The following MRPL27 variants were observed in gnomAD, a reference collection of about 807,000 sequenced individuals.
MRPL27 encodes large ribosomal subunit protein bL27m.
In MRPL27, 4 loss-of-function variants were observed where a neutral mutation model predicts 14.6. The ratio of observed to expected loss-of-function variants is 0.27; its 90% CI spans 0.14 to 0.63. The LOEUF (loss-of-function observed/expected upper bound fraction) is 0.63, where lower values mean the gene tolerates loss of function less well. MRPL27 is among the 20% of genes least tolerant of loss of function. MRPL27 has a pLI of 0.85. For missense variants in MRPL27, 196 were observed against 192.8 expected, an observed-to-expected ratio of 1.02 and a Z score of -0.10; for synonymous variants, 82 against 75.5, an observed-to-expected ratio of 1.09 and a Z score of -0.45.
intron 3 of MRPL27, chr17:50,369,081 T>C: frequency 1.8e-6 from 1 of 557,678 alleles, no homozygotes; most frequent in Non-Finnish European, 3.2e-6. Flanking sequence ...TACTTACTCC[T>C]GTGTGGTCTT....
rs143787190 is a variant in MRPL27 at position 50,370,478 on chromosome 17, C to T, written c.149G>A (p.Arg50His). 5 of 1,614,150 alleles carry T rather than the reference C, an allele frequency of 3.1e-6. No homozygotes were observed. The highest frequency in any genetic ancestry group is 1.7e-5 in the Admixed American group (1 of 60,022). Residue 50 changes from arginine to histidine, a missense_variant, in exon 2 of 4, where the codon CGC (arginine) becomes CAC (histidine). Coordinates refer to ENST00000225969, the MANE Select transcript of MRPL27 (RefSeq NM_016504.3). ...ACCTTCCATTTTCTTAATGCCTTGG[C>T]GTCTGCCTGATGACTTTCCACCGAG... ...KNLGGKSSGR[R>H]QGIKKMEGHY...
In MRPL27 at chr17:50,368,144, T is replaced by A. The variant is rs753446684; in HGVS notation, c.395A>T (p.His132Leu). 1 of 1,614,092 alleles carries A rather than the reference T, an allele frequency of 6.2e-7. No individual in the cohort carries two copies. The highest frequency in any genetic ancestry group is 8.5e-7 in the Non-Finnish European group (1 of 1,180,026). The change falls in exon 4 of 4, where the codon CAC becomes CTC. Residue 132 changes from histidine to leucine, a missense_variant. Transcript: ENST00000225969. ...GCCCTCAGGCTTGGCAGGAACCACG[T>A]GGACAAAAGTCTTGTAGAGCACAGC... is the stretch of plus-strand genomic sequence containing the variant. ...KGAVLYKTFV[H>L]VVPAKPEGTF...
At chr17:50,372,239 G>T (rs1383201312) in intron 1 of MRPL27, among the ~76,000 whole-genome samples, 1 of 143,584 alleles carries the variant, frequency 7.0e-6, no homozygotes, top group Non-Finnish European at 1.5e-5. Flanking sequence ...TAGGTCTCCT[G>T]TCATTCTTTT....
chr17:50,372,954 C>G, intron 1 of MRPL27, 177 bp downstream of exon 1: 1 of 827,802 alleles, frequency 1.2e-6, no homozygotes, highest in Middle Eastern at 3.1e-4. Context: ...TCACTCACGG[C>G]TCCACCCAGG....
At chr17:50,371,623 C>T (rs1379393191) in intron 1 of MRPL27, among the ~76,000 whole-genome samples, 24 of 152,178 alleles carry the variant, frequency 1.6e-4, no homozygotes, top group Admixed American at 1.6e-3. Flanking sequence ...TTTAGAGAAG[C>T]CTTGTGGGTC....
In MRPL27 at chr17:50,373,177, G is replaced by A. The variant is rs1002130400; in HGVS notation, c.-7C>T. 18 of 1,609,360 alleles carry A rather than the reference G, an allele frequency of 1.1e-5. No individual in the cohort carries two copies. In the Admixed American group the frequency reaches 2.5e-4, roughly 22 times the overall value. On this transcript the variant is annotated 5_prime_UTR_variant, in exon 1 of 4. Coordinates refer to ENST00000225969, the MANE Select transcript of MRPL27 (RefSeq NM_016504.3). The stretch of plus-strand genomic sequence containing the variant: ...CCAACACCACCGACGCCATGCTTTC[G>A]ATCACTCACTTCCGGTCTCGAAAAG...
chr17:50,371,063 G>C (rs766012021), intron 1 of MRPL27: 32 of 155,606 alleles, frequency 2.1e-4, no homozygotes, highest in Non-Finnish European at 4.1e-4. Flanking sequence ...CATAGTCCTG[G>C]CTCCCTGCAA....
intron 1 of MRPL27, chr17:50,370,837 C>T (rs1159553076): frequency 2.3e-6 from 1 of 427,122 alleles, no homozygotes; most frequent in Non-Finnish European, 4.4e-6. Flanking sequence ...TGGGTTCTGA[C>T]ACATTCAGTC....
rs144070750 is a variant in MRPL27 at position 50,373,163 on chromosome 17, G to T, written c.8C>A (p.Ser3Ter). 5.0e-6 allele frequency: 8 copies of T among 1,611,598 alleles called. No individual in the cohort carries two copies. Among genetic ancestry groups the T allele is most frequent in the East Asian group, 4.5e-5 (2 of 44,900 alleles). Residue 3 changes from serine (S) to a stop codon, truncating the protein, a stop_gained, in exon 1 of 4, where the codon TCG becomes TAG. Coordinates refer to ENST00000225969, the MANE Select transcript of MRPL27 (RefSeq NM_016504.3). LOFTEE classifies it high-confidence loss of function. The part of the protein sequence containing the change: MA[S>*]VVLALRTRTA... ...CCGGGTCCTCAGCGCCAACACCACC[G>T]ACGCCATGCTTTCGATCACTCACTT...
intron 1 of MRPL27, 185 bp downstream of exon 1, chr17:50,372,942 CCTCA>C: frequency 1.4e-6 from 1 of 739,328 alleles, no homozygotes; most frequent in African/African-American, 1.8e-5. Flanking sequence ...CTTCAAACGC[CCTCA>C]CTCACGGCTC....
At chr17:50,369,224 G>A (rs550958006) in intron 3 of MRPL27, 14 of 233,144 alleles carry the variant, frequency 6.0e-5, no homozygotes, top group African/African-American at 2.3e-4. Context: ...AGCTCAAAAT[G>A]TGTTAGCTTT....
At chr17:50,370,268 T>C (rs1316473074) in intron 2 of MRPL27, 169 bp from the exon 3 acceptor site, 2 of 1,151,914 alleles carry the variant, frequency 1.7e-6, no homozygotes, top group African/African-American at 1.5e-5. Context: ...TTGTCTCTAA[T>C]TGCATGGTTA....
rs1212236084 is a variant in MRPL27, at chr17:50,368,249, A to C, written c.290T>G (p.Val97Gly). 3 of 1,614,056 alleles carry C rather than the reference A, an allele frequency of 1.9e-6. No homozygotes were observed. In the African/African-American group the frequency reaches 4.0e-5, roughly 22 times the overall value. ...KCLYALEEGI[V>G]RYTKEVYVPH... ...CACGTAGACCTCCTTAGTGTAGCGG[A>C]CTATCCCCTCTTCCAGGGCATACAG... Residue 97 changes from valine to glycine, a missense_variant, in exon 4 of 4, where the codon GTC (valine) becomes GGC (glycine). By Grantham distance (109) the Val-to-Gly change is moderately radical (BLOSUM62 -3). Coordinates refer to ENST00000225969, the MANE Select transcript of MRPL27 (RefSeq NM_016504.3).
rs755899688 is a variant in MRPL27, at chr17:50,373,140, G to T, written c.31C>A (p.Arg11=). 2.5e-6 allele frequency: 4 copies of T among 1,614,008 alleles called. No homozygotes were observed. The African/African-American group carries it at 5.3e-5, about 22-fold the overall frequency. ...TACTGCGTCCCATTACCGGCTGTCC[G>T]GGTCCTCAGCGCCAACACCACCGAC... MASVVLALRT[R]TAVTSLLSPT... The change falls in exon 1 of 4, where the codon CGG becomes AGG. Residue 11 remains arginine, a synonymous_variant. Transcript: ENST00000225969.
At chr17:50,368,399 G>C in intron 3 of MRPL27, 101 bp from the exon 4 acceptor site, 1 of 1,246,626 alleles carries the variant, frequency 8.0e-7, no homozygotes, top group Non-Finnish European at 1.1e-6. Flanking sequence ...CCCTGGGGCT[G>C]AAAGGGTGAT....
rs141495313 is a variant in MRPL27 at position 50,368,930 on chromosome 17, A to C, written c.241-632T>G. On this transcript the variant is annotated intron_variant, in intron 3 of 3. Transcript: ENST00000225969. ...TGTGTTGTATATACAGTTTTTAACC[A>C]TATTTTTTAGCTTTTTCTTTTAGAA... 5.4e-4 allele frequency: 369 copies of C among 688,312 alleles called. No homozygotes were observed. In the African/African-American group the frequency reaches 5.7e-3, roughly 11 times the overall value. 42.6% of individuals were successfully genotyped at this position (688,312 alleles called of 1,614,324 possible).
chr17:50,367,989 C>T lies in MRPL27; in HGVS notation c.*103G>A. The T allele has an allele frequency of 7.9e-7, 1 of 1,270,368 alleles. No homozygotes were observed. Among genetic ancestry groups the T allele is most frequent in the Non-Finnish European group, 1.1e-6 (1 of 898,828 alleles). The allele number at this position is 1,270,368 out of a possible 1,614,324, so 78.7% of individuals were successfully genotyped here. A position where few individuals can be genotyped will look rare whatever the true frequency, so the allele number is the denominator to read the frequency against. On this transcript the variant is annotated 3_prime_UTR_variant, in exon 4 of 4. Coordinates refer to ENST00000225969, the MANE Select transcript of MRPL27 (RefSeq NM_016504.3). ...CCTGCAGAGTCACCATCAAGCAGACCTCTTCCTCGGGAGGCCGTGTCGCCA... is the reference window on the plus strand; with the variant it reads ...CCTGCAGAGTCACCATCAAGCAGACTTCTTCCTCGGGAGGCCGTGTCGCCA...
intron 3 of MRPL27, chr17:50,368,864 G>A (rs759276074): frequency 7.1e-6 from 5 of 702,170 alleles, no homozygotes; most frequent in South Asian, 4.4e-5. Flanking sequence ...TATTTCCAAC[G>A]CCACTTTTCA....
At chr17:50,369,316 C>T (rs1316258120) in intron 3 of MRPL27, 1 of 155,426 alleles carries the variant, frequency 6.4e-6, no homozygotes, top group African/African-American at 2.5e-5. Context: ...AATCAATTCA[C>T]ATACAAATTA....
Sources: allele counts gnomAD v4.1 joint callset (sites outside exome capture counted in the v4.1 genomes callset), GRCh38; gene constraint gnomAD v4.1.1; transcripts MANE v1.5; gene names NCBI Gene and HGNC (gene_info 2026-07-23, HGNC 2026-07-21).